CDH13: variants seen among roughly 807,000 people sequenced by gnomAD.
CDH13 encodes the protein cadherin-13.
In CDH13, 24 loss-of-function variants were observed where a neutral mutation model predicts 63.8. The observed-to-expected ratio is 0.38, with a 90% CI of 0.27 to 0.53. CDH13 has a LOEUF of 0.53. Ranked by LOEUF, CDH13 falls within the 20% of genes least tolerant of loss-of-function variation. The probability of loss-of-function intolerance (pLI) is 0.85; values close to 1 mark genes in which losing one functional copy is unlikely to be tolerated. For synonymous variants in CDH13, 503 were observed against 355.3 expected, an observed-to-expected ratio of 1.42 and a Z score of -4.67; for missense variants, 1,049 against 903.1, an observed-to-expected ratio of 1.16 and a Z score of -2.07.
chr16:82,788,557 C>G (rs905563110), intron 1 of CDH13, among the ~76,000 whole-genome samples: 1 of 152,186 alleles, frequency 6.6e-6, no homozygotes, highest in African/African-American at 2.4e-5. Flanking sequence ...TGTTATTAAC[C>G]GGAGGAACAC....
intron 8 of CDH13, among the ~76,000 whole-genome samples, chr16:83,666,484 C>T (rs529976552): frequency 2.0e-5 from 3 of 152,096 alleles, no homozygotes; most frequent in African/African-American, 7.2e-5. Flanking sequence ...TAAACGTAAC[C>T]CAGTTCCTTG....
chr16:82,755,468 T>C (rs1393143635), intron 1 of CDH13, among the ~76,000 whole-genome samples: 1 of 152,136 alleles, frequency 6.6e-6, no homozygotes, highest in Non-Finnish European at 1.5e-5. Context: ...GTTCAAATAA[T>C]AGCTTTTCTT....
chr16:83,614,075 G>A lies in CDH13; in HGVS notation c.1101+11481G>A, dbSNP rs116547072. ...TGGTTTTTGGTCATTGGTTATAGTC[G>A]CCTGGCATACCTAGGAATTTTTTAA... On this transcript the variant is annotated intron_variant, in intron 8 of 13. Transcript: ENST00000567109. Among the ~76,000 whole-genome samples, 1,000 of 152,046 alleles carry A rather than the reference G, an allele frequency of 6.6e-3. 7 individuals carry two copies. Among genetic ancestry groups the A allele is most frequent in the African/African-American group, 0.022 (899 of 41,440 alleles).
intron 7 of CDH13, among the ~76,000 whole-genome samples, chr16:83,515,534 A>G (rs1030845503): frequency 6.6e-6 from 1 of 152,238 alleles, no homozygotes; most frequent in African/African-American, 2.4e-5. Context: ...GATACAAGCT[A>G]GAAAAAGATA....
intron 2 of CDH13, among the ~76,000 whole-genome samples, chr16:83,018,990 A>G (rs1915081117): frequency 6.6e-6 from 1 of 152,220 alleles, no homozygotes; most frequent in African/African-American, 2.4e-5. Flanking sequence ...GTGAATGTGA[A>G]GGCCTAGGAC....
intron 10 of CDH13, among the ~76,000 whole-genome samples, chr16:83,704,165 G>A (rs16961361): frequency 0.18 from 27,637 of 152,106 alleles, 2,975 homozygotes; most frequent in African/African-American, 0.31. Flanking sequence ...GTGATTTCCA[G>A]TGTGGTCTGG....
Position 83,263,617 on chromosome 16 carries a change from GT to G in CDH13, c.636+46123del, listed in dbSNP as rs1907241279. Among the ~76,000 whole-genome samples the G allele has an allele frequency of 3.9e-5, 6 of 152,304 alleles. No homozygotes were observed. In the South Asian group the frequency reaches 1.2e-3, roughly 32 times the overall value. ...CTTAAAATATGATCTTCGTGATGTG[GT>G]TTGGCCAATGTAGAGGATTAAAACC... On this transcript the variant is annotated intron_variant, in intron 5 of 13. Coordinates refer to ENST00000567109, the MANE Select transcript of CDH13 (RefSeq NM_001257.5).
intron 2 of CDH13, chr16:82,884,327 G>A (rs945809282): frequency 1.2e-5 from 5 of 411,190 alleles, no homozygotes; most frequent in South Asian, 7.1e-5. Context: ...AACCTGGGGA[G>A]GGGGTGTTAG....
intron 1 of CDH13, among the ~76,000 whole-genome samples, chr16:82,669,264 G>C (rs1340741505): frequency 6.6e-6 from 1 of 152,220 alleles, no homozygotes; most frequent in Non-Finnish European, 1.5e-5. Flanking sequence ...TGAAGTTCCA[G>C]ATCCAAGGAC....
rs561936505 is a variant in CDH13, at chr16:83,591,465, C to G, written c.961-10989C>G. Among the ~76,000 whole-genome samples, 4 of 152,364 alleles carry G rather than the reference C, an allele frequency of 2.6e-5. No individual in the cohort carries two copies. The East Asian group carries it at 5.8e-4, about 22-fold the overall frequency. ...GCTCCTGGGATTCACTCTGTTTCCT[C>G]TCACTGTGAGTTCCTTGAAGGTAGG... On this transcript the variant is annotated intron_variant, in intron 7 of 13. Coordinates refer to ENST00000567109, the MANE Select transcript of CDH13 (RefSeq NM_001257.5).
intron 3 of CDH13, among the ~76,000 whole-genome samples, chr16:83,052,081 C>G (rs570820340): frequency 3.9e-5 from 6 of 152,178 alleles, no homozygotes; most frequent in South Asian, 4.1e-4. Context: ...ATTCAAGCAG[C>G]TAACTATATC....
chr16:83,516,787 A>G (rs1194886721), intron 7 of CDH13, among the ~76,000 whole-genome samples: 4 of 152,238 alleles, frequency 2.6e-5, no homozygotes, highest in Non-Finnish European at 5.9e-5. Context: ...TGTCAAAAAG[A>G]TATTGCAAAT....
At chr16:83,778,291 A>G (rs1359564598) in intron 11 of CDH13, among the ~76,000 whole-genome samples, 7 of 152,212 alleles carry the variant, frequency 4.6e-5, no homozygotes, top group Non-Finnish European at 1.0e-4. Context: ...ACACATTGGG[A>G]GGCCGAGGCA....
intron 5 of CDH13, among the ~76,000 whole-genome samples, chr16:83,323,388 C>T (rs143923454): frequency 0.011 from 1,731 of 151,122 alleles, 39 homozygotes; most frequent in African/African-American, 0.04. Flanking sequence ...TCAAGTGATT[C>T]TCATGCCTCA....
chr16:83,386,501 A>G (rs971183492), intron 6 of CDH13, among the ~76,000 whole-genome samples: 2 of 152,202 alleles, frequency 1.3e-5, no homozygotes, highest in African/African-American at 4.8e-5. Context: ...GCCATATATA[A>G]AAGAGGTGTT....
At chr16:83,146,757 C>G (rs1331302016) in intron 4 of CDH13, among the ~76,000 whole-genome samples, 2 of 151,656 alleles carry the variant, frequency 1.3e-5, no homozygotes, top group East Asian at 3.9e-4. Context: ...ATAGATATTT[C>G]AAAAAAAATG....
intron 2 of CDH13, among the ~76,000 whole-genome samples, chr16:82,952,195 G>T (rs189064463): frequency 6.6e-6 from 1 of 152,186 alleles, no homozygotes; most frequent in African/African-American, 2.4e-5. Context: ...ACAGGAGAAC[G>T]TGGGTGCTGC....
chr16:82,969,926 A>G (rs1225012289), intron 2 of CDH13, among the ~76,000 whole-genome samples: 1 of 151,250 alleles, frequency 6.6e-6, no homozygotes, highest in Non-Finnish European at 1.5e-5. Context: ...TTAATCCTCC[A>G]TTTAGTATTT....
intron 1 of CDH13, among the ~76,000 whole-genome samples, chr16:82,851,278 A>C (rs1454429402): frequency 6.6e-6 from 1 of 152,012 alleles, no homozygotes; most frequent in Non-Finnish European, 1.5e-5. Context: ...TACTAAAAAT[A>C]CAAAAAATTA....
Sources: allele counts gnomAD v4.1 joint callset (sites outside exome capture counted in the v4.1 genomes callset), GRCh38; gene constraint gnomAD v4.1.1; transcripts MANE v1.5; gene names NCBI Gene and HGNC (gene_info 2026-07-23, HGNC 2026-07-21).